The following MAGI2 variants were observed in gnomAD, a reference collection of about 807,000 sequenced individuals.
MAGI2 encodes membrane-associated guanylate kinase, WW and PDZ domain-containing protein 2.
Under a neutral mutation model 133.3 loss-of-function variants are expected in MAGI2, and 35 were observed. The observed-to-expected ratio is 0.26, with a 90% CI of 0.20 to 0.35. The LOEUF (loss-of-function observed/expected upper bound fraction) is 0.35, where lower values mean the gene tolerates loss of function less well. Ranked by LOEUF, MAGI2 falls within the 10% of genes least tolerant of loss-of-function variation. The probability of loss-of-function intolerance (pLI) is 1.00; values close to 1 mark genes in which losing one functional copy is unlikely to be tolerated. For synonymous variants in MAGI2, 729 were observed against 710.6 expected, an observed-to-expected ratio of 1.03 and a Z score of -0.41; for missense variants, 1,636 against 1,863.4, an observed-to-expected ratio of 0.88 and a Z score of 2.25.
intron 6 of MAGI2, among the ~76,000 whole-genome samples, chr7:78,428,755 G>T (rs60620266): frequency 1.3e-4 from 20 of 151,946 alleles, no homozygotes; most frequent in African/African-American, 4.8e-4. Flanking sequence ...AGTTTCACAC[G>T]TATATTTCTC....
chr7:78,614,042 G>A (rs200165556), intron 3 of MAGI2, among the ~76,000 whole-genome samples: 1 of 152,068 alleles, frequency 6.6e-6, no homozygotes, highest in Admixed American at 6.5e-5. Context: ...CCTGGGAGGC[G>A]GAGGTTGCAG....
chr7:79,228,888 G>C (rs1029288897), intron 1 of MAGI2, among the ~76,000 whole-genome samples: 2 of 152,068 alleles, frequency 1.3e-5, no homozygotes, highest in African/African-American at 4.8e-5. Flanking sequence ...GCGGAGTAGG[G>C]GCAATGGTTT....
chr7:78,154,420 G>A (rs941128005), intron 16 of MAGI2, among the ~76,000 whole-genome samples: 12 of 152,334 alleles, frequency 7.9e-5, no homozygotes, highest in African/African-American at 2.9e-4. Flanking sequence ...TGATGCACTT[G>A]CGGATAGGGA....
At chr7:78,204,268 A>G (rs527677804) in intron 10 of MAGI2, among the ~76,000 whole-genome samples, 1 of 152,294 alleles carries the variant, frequency 6.6e-6, no homozygotes, top group Non-Finnish European at 1.5e-5. Context: ...CTCACAGATC[A>G]TAGGACACTA....
chr7:78,167,842 G>T, intron 15 of MAGI2, 74 bp downstream of exon 15: 1 of 1,388,908 alleles, frequency 7.2e-7, no homozygotes, highest in Non-Finnish European at 9.9e-7. Flanking sequence ...TTTGTTTCAT[G>T]TGGCCTTACC....
chr7:78,195,839 AC>A (rs149329744), intron 11 of MAGI2, among the ~76,000 whole-genome samples: 9 of 152,358 alleles, frequency 5.9e-5, no homozygotes, highest in African/African-American at 2.2e-4. Flanking sequence ...ACTCCCTGAG[AC>A]CACCTATTGG....
At chr7:78,518,035 G>A (rs934223535) in intron 4 of MAGI2, 4 of 151,750 alleles carry the variant, frequency 2.6e-5, no homozygotes, top group South Asian at 4.2e-4. Context: ...GATATAAACC[G>A]AGGAATCACC....
At chr7:78,209,101 AGTCCCAGCT>A (rs1466984387) in intron 10 of MAGI2, among the ~76,000 whole-genome samples, 5 of 125,078 alleles carry the variant, frequency 4.0e-5, no homozygotes, top group Non-Finnish European at 8.8e-5. Flanking sequence ...GGGCGCCTGT[AGTCCCAGCT>A]ACTTGGGAGG....
intron 1 of MAGI2, among the ~76,000 whole-genome samples, chr7:79,052,758 A>G (rs1562835147): frequency 6.6e-6 from 1 of 152,234 alleles, no homozygotes; most frequent in Admixed American, 6.5e-5. Flanking sequence ...CTGAAAATCA[A>G]CTGCTAATTT....
In MAGI2 at chr7:78,741,407, ACACACACACACACACACACAC is replaced by A. The variant is rs1247702760; in HGVS notation, c.419-114189_419-114169del. Among the ~76,000 whole-genome samples, 16 of 145,194 alleles carry A rather than the reference ACACACACACACACACACACAC, an allele frequency of 1.1e-4. 1 individual carries two copies. Among genetic ancestry groups the A allele is most frequent in the African/African-American group, 3.2e-4 (12 of 37,602 alleles). On this transcript the variant is annotated intron_variant, in intron 2 of 21. Transcript: ENST00000354212. The stretch of plus-strand genomic sequence containing the variant: ...CACACACACACACACACACACACAC[ACACACACACACACACACACAC>A]GGGAGGGGGGTTAGATCATAAAAGG...
intron 1 of MAGI2, among the ~76,000 whole-genome samples, chr7:79,334,503 C>T (rs746580208): frequency 3.3e-5 from 5 of 152,082 alleles, no homozygotes; most frequent in Non-Finnish European, 5.9e-5. Flanking sequence ...ACATCTGGTA[C>T]CACTGGAGGC....
chr7:78,872,610 C>T (rs536854862), intron 2 of MAGI2, among the ~76,000 whole-genome samples: 2 of 151,034 alleles, frequency 1.3e-5, no homozygotes, highest in African/African-American at 4.8e-5. Flanking sequence ...GGGTAACTGT[C>T]CTTACTGAGT....
chr7:78,695,074 G>A (rs1229130672), intron 2 of MAGI2, among the ~76,000 whole-genome samples: 1 of 151,876 alleles, frequency 6.6e-6, no homozygotes, highest in Non-Finnish European at 1.5e-5. Context: ...AAATATGAAA[G>A]ATTAGCTGGG....
chr7:79,371,117 T>C (rs893913439), intron 1 of MAGI2, among the ~76,000 whole-genome samples: 2 of 152,162 alleles, frequency 1.3e-5, no homozygotes, highest in Non-Finnish European at 2.9e-5. Flanking sequence ...CCAGAGACAG[T>C]AATATTTTCT....
chr7:78,302,225 C>T (rs547664080), intron 9 of MAGI2, among the ~76,000 whole-genome samples: 1 of 152,300 alleles, frequency 6.6e-6, no homozygotes, highest in East Asian at 1.9e-4. Flanking sequence ...ATTCCTTTCA[C>T]ATTCTTATTC....
intron 4 of MAGI2, among the ~76,000 whole-genome samples, chr7:78,506,561 G>A (rs564402908): frequency 7.2e-5 from 11 of 152,248 alleles, no homozygotes; most frequent in African/African-American, 2.6e-4. Flanking sequence ...AGAGGAAAGG[G>A]CAGCCATGGA....
chr7:78,895,208 T>C (rs931816724), intron 2 of MAGI2, among the ~76,000 whole-genome samples: 2 of 152,112 alleles, frequency 1.3e-5, no homozygotes, highest in African/African-American at 4.8e-5. Flanking sequence ...CTCTTGGTGC[T>C]CTCTTGCCAT....
intron 1 of MAGI2, among the ~76,000 whole-genome samples, chr7:79,396,193 C>G (rs1006940275): frequency 5.3e-5 from 8 of 152,040 alleles, no homozygotes; most frequent in Non-Finnish European, 1.5e-5. Flanking sequence ...GCAGTTAGGT[C>G]CAGCCATAGG....
intron 1 of MAGI2, among the ~76,000 whole-genome samples, chr7:79,043,912 T>A (rs757701173): frequency 6.6e-6 from 1 of 151,382 alleles, no homozygotes; most frequent in African/African-American, 2.4e-5. Context: ...ACCATTAGAG[T>A]TGTGAAATTG....
Sources: allele counts gnomAD v4.1 joint callset (sites outside exome capture counted in the v4.1 genomes callset), GRCh38; gene constraint gnomAD v4.1.1; transcripts MANE v1.5; gene names NCBI Gene and HGNC (gene_info 2026-07-23, HGNC 2026-07-21).